GMDS: variants seen among roughly 807,000 people sequenced by gnomAD.
The protein encoded by GMDS is GDP-mannose 4,6 dehydratase.
A neutral mutation model predicts 49.9 loss-of-function variants in GMDS; 20 were observed. The observed-to-expected ratio is 0.40, with a 90% confidence interval of 0.28 to 0.58. The LOEUF (loss-of-function observed/expected upper bound fraction) is 0.58. Ranked by LOEUF, GMDS falls within the 20% of genes least tolerant of loss-of-function variation. The pLI, the probability that GMDS is intolerant of heterozygous loss-of-function variation, is 0.42. For missense variants in GMDS, 362 were observed against 481.4 expected, an observed-to-expected ratio of 0.75 and a Z score of 2.32; for synonymous variants, 177 against 178.6, an observed-to-expected ratio of 0.99 and a Z score of 0.07.
intron 9 of GMDS, among the ~76,000 whole-genome samples, chr6:1,668,806 G>A (rs1013178784): frequency 9.2e-5 from 14 of 152,122 alleles, no homozygotes; most frequent in African/African-American, 3.1e-4. Flanking sequence ...ACAATGCTAC[G>A]AATTTAGAAA....
intron 7 of GMDS, among the ~76,000 whole-genome samples, chr6:1,844,133 T>A (rs1222952561): frequency 6.6e-6 from 1 of 152,212 alleles, no homozygotes; most frequent in Non-Finnish European, 1.5e-5. Context: ...CGAATTCCCA[T>A]GATAATCCCA....
At chr6:2,153,733 T>C (rs1405141241) in intron 1 of GMDS, among the ~76,000 whole-genome samples, 1 of 152,164 alleles carries the variant, frequency 6.6e-6, no homozygotes, top group Non-Finnish European at 1.5e-5. Context: ...AGAGATACTT[T>C]TAGAGAAGAA....
At chr6:1,776,884 T>A (rs906276148) in intron 7 of GMDS, among the ~76,000 whole-genome samples, 14 of 152,070 alleles carry the variant, frequency 9.2e-5, no homozygotes, top group Admixed American at 1.3e-4. Flanking sequence ...AGACTGACAC[T>A]CTTCTCCCCC....
intron 7 of GMDS, among the ~76,000 whole-genome samples, chr6:1,769,776 A>G: frequency 6.6e-6 from 1 of 152,018 alleles, no homozygotes; most frequent in Non-Finnish European, 1.5e-5. Context: ...GATCTCCACA[A>G]CCAAAAAATG....
intron 1 of GMDS, among the ~76,000 whole-genome samples, chr6:2,214,398 G>A (rs9501818): frequency 0.18 from 28,038 of 152,072 alleles, 2,770 homozygotes; most frequent in South Asian, 0.29. Flanking sequence ...GGATGGTTTT[G>A]CACCTGTAAT....
intron 7 of GMDS, among the ~76,000 whole-genome samples, chr6:1,779,671 A>AT (rs1768997769): frequency 6.6e-6 from 1 of 152,216 alleles, no homozygotes; most frequent in Non-Finnish European, 1.5e-5. Context: ...AGAACAGCGT[A>AT]TAAGCAGCTG....
chr6:2,227,935 T>C (rs1413119484), intron 1 of GMDS, among the ~76,000 whole-genome samples: 4 of 152,232 alleles, frequency 2.6e-5, no homozygotes, highest in Non-Finnish European at 4.4e-5. Flanking sequence ...CCATGCTCAA[T>C]GAGAGCCAAC....
intron 1 of GMDS, among the ~76,000 whole-genome samples, chr6:2,216,701 C>T (rs776373672): frequency 2.6e-5 from 4 of 152,026 alleles, no homozygotes; most frequent in African/African-American, 7.3e-5. Context: ...TATCAACTTG[C>T]ACACATACAA....
At chr6:1,737,873 A>G (rs1196337506) in intron 8 of GMDS, among the ~76,000 whole-genome samples, 1 of 149,756 alleles carries the variant, frequency 6.7e-6, no homozygotes, top group African/African-American at 2.5e-5. Flanking sequence ...ACATACACAC[A>G]TACATACACA....
intron 6 of GMDS, among the ~76,000 whole-genome samples, chr6:1,947,872 C>G (rs1199929671): frequency 6.6e-6 from 1 of 152,180 alleles, no homozygotes; most frequent in Non-Finnish European, 1.5e-5. Flanking sequence ...AGCTCTGAAA[C>G]CTTAACTTTT....
chr6:1,848,226 C>A (rs901800822), intron 7 of GMDS, among the ~76,000 whole-genome samples: 1 of 152,168 alleles, frequency 6.6e-6, no homozygotes, highest in African/African-American at 2.4e-5. Flanking sequence ...CATCATCTAC[C>A]GCTTGTAGAG....
chr6:1,817,520 C>T (rs924148088), intron 7 of GMDS, among the ~76,000 whole-genome samples: 9 of 152,154 alleles, frequency 5.9e-5, no homozygotes, highest in African/African-American at 1.9e-4. Context: ...TAGGAATATA[C>T]AGTTTTGCTT....
At chr6:1,810,989 T>A (rs1460276587) in intron 7 of GMDS, among the ~76,000 whole-genome samples, 1 of 151,314 alleles carries the variant, frequency 6.6e-6, no homozygotes, top group African/African-American at 2.4e-5. Flanking sequence ...TTCTCCTAGT[T>A]TTTTTTTTCC....
chr6:2,054,194 A>G (rs1243878392), intron 4 of GMDS, among the ~76,000 whole-genome samples: 1 of 152,196 alleles, frequency 6.6e-6, no homozygotes, highest in Non-Finnish European at 1.5e-5. Context: ...CTTCTTCACA[A>G]GAAACATCTG....
At chr6:2,138,972 T>C (rs1378164217) in intron 1 of GMDS, among the ~76,000 whole-genome samples, 2 of 152,230 alleles carry the variant, frequency 1.3e-5, no homozygotes, top group Non-Finnish European at 2.9e-5. Flanking sequence ...GCAACAGTAG[T>C]ATGCCTTCAC....
intron 7 of GMDS, among the ~76,000 whole-genome samples, chr6:1,826,475 A>C (rs1448403837): frequency 6.6e-6 from 1 of 152,226 alleles, no homozygotes; most frequent in Non-Finnish European, 1.5e-5. Context: ...AATTATTTTA[A>C]GTGCTTAAAA....
intron 9 of GMDS, among the ~76,000 whole-genome samples, chr6:1,686,208 G>A (rs571629493): frequency 2.8e-4 from 42 of 152,322 alleles, no homozygotes; most frequent in Non-Finnish European, 5.1e-4. Context: ...TCTGAAACCC[G>A]AGATGACGCG....
chr6:2,097,748 G>T (rs1211386671), intron 4 of GMDS, among the ~76,000 whole-genome samples: 1 of 152,076 alleles, frequency 6.6e-6, no homozygotes, highest in Admixed American at 6.6e-5. Context: ...CTCCAGTTCC[G>T]CCCTAAAACC....
At chr6:2,158,823 G>C (rs1777235985) in intron 1 of GMDS, among the ~76,000 whole-genome samples, 1 of 152,210 alleles carries the variant, frequency 6.6e-6, no homozygotes, top group Non-Finnish European at 1.5e-5. Context: ...CATCAATGAT[G>C]CTTCCTCCCC....
Sources: gnomAD v4.1 joint callset for allele counts (sites outside exome capture counted in the v4.1 genomes callset) on GRCh38, gnomAD v4.1.1 for gene constraint, MANE v1.5 for transcripts, NCBI Gene and HGNC (gene_info 2026-07-23, HGNC 2026-07-21) for gene names.